The following STYXL2 variants were observed in gnomAD, a reference collection of about 807,000 sequenced individuals.
STYXL2 encodes the protein serine/threonine/tyrosine-interacting-like protein 2.
Under a neutral mutation model 52.4 loss-of-function variants are expected in STYXL2, and 44 were observed. The ratio of observed to expected loss-of-function variants is 0.84; its 90% CI spans 0.66 to 1.08. The LOEUF is 1.08. STYXL2 is among the 50% of genes least tolerant of loss of function. The pLI is 0.00. For synonymous variants in STYXL2, 604 were observed against 586.9 expected, an observed-to-expected ratio of 1.03 and a Z score of -0.42; for missense variants, 1,604 against 1,471.7, an observed-to-expected ratio of 1.09 and a Z score of -1.47.
intron 2 of STYXL2, among the ~76,000 whole-genome samples, chr1:167,103,926 C>G (rs968318848): frequency 6.6e-6 from 1 of 152,130 alleles, no homozygotes; most frequent in Non-Finnish European, 1.5e-5. Context: ...TCGAGACCAT[C>G]CTGGCTAACA....
rs1381425972 is a variant in STYXL2, at chr1:167,127,660, G to A, written c.2529G>A (p.Met843Ile). ...LKELGRKEKE[M>I]QMELREKMSE... is the part of the protein sequence containing the mutation. Reference sequence around the variant, plus strand: ...AACTTGGCCGGAAGGAGAAGGAGATGCAGATGGAGCTTAGGGAGAAGATGT... The same window carrying A: ...AACTTGGCCGGAAGGAGAAGGAGATACAGATGGAGCTTAGGGAGAAGATGT... Residue 843 changes from methionine (M) to isoleucine (I), a missense_variant, in exon 6 of 6, where the codon ATG becomes ATA. Coordinates refer to ENST00000361200, the MANE Select transcript of STYXL2 (RefSeq NM_001080426.3). 5.6e-6 allele frequency: 9 copies of A among 1,614,022 alleles called. No individual in the cohort carries two copies. Among genetic ancestry groups the A allele is most frequent in the Admixed American group, 3.3e-5 (2 of 59,992 alleles).
rs140490170 is a variant in STYXL2, at chr1:167,117,464, T to C, written c.342T>C (p.Cys114=). ...MDDTSLYNTP[C]VLDLQRALVQ... ...ACACCAGCCTCTATAATACGCCCTG[T>C]GTCCTGGACCTACAGCGGGCCCTGG... The change falls in exon 4 of 6, where the codon TGT becomes TGC. Residue 114 remains cysteine (C), a synonymous_variant. Coordinates refer to ENST00000361200, the MANE Select transcript of STYXL2 (RefSeq NM_001080426.3). 1.2e-6 allele frequency: 2 copies of C among 1,612,746 alleles called. No individual in the cohort carries two copies. The highest frequency in any genetic ancestry group is 1.7e-6 in the Non-Finnish European group (2 of 1,179,468).
intron 2 of STYXL2, among the ~76,000 whole-genome samples, chr1:167,102,711 G>A (rs1279691868): frequency 6.6e-6 from 1 of 152,190 alleles, no homozygotes; most frequent in African/African-American, 2.4e-5. Flanking sequence ...AAGAAGCAGA[G>A]TATCACTTAC....
chr1:167,111,469 CATATATATATATATATATATAT>C (rs776014246), intron 2 of STYXL2, among the ~76,000 whole-genome samples: 13 of 79,900 alleles, frequency 1.6e-4, no homozygotes, highest in South Asian at 4.7e-4. Context: ...AAATATGGTA[CATATATATATATATATATATAT>C]ATATATATAT....
In STYXL2 at chr1:167,126,498, A is replaced by G; in HGVS notation, c.1367A>G (p.Glu456Gly). The G allele has an allele frequency of 6.2e-7, 1 of 1,610,468 alleles. No individual in the cohort carries two copies. The highest frequency in any genetic ancestry group is 1.7e-4 in the Middle Eastern group (1 of 6,040). ...ATCTGGGTCCTGAAGCAGCAGCTGG[A>G]GCTGAACCGCCCGGACCACGGCAGG... ...HDIWVLKQQL[E>G]LNRPDHGRRR... is the part of the protein sequence containing the mutation. Residue 456 changes from glutamate (E) to glycine (G), a missense_variant, in exon 6 of 6, where the codon GAG becomes GGG. Glu to Gly is a moderately conservative substitution (Grantham distance 98). Coordinates refer to ENST00000361200, the MANE Select transcript of STYXL2 (RefSeq NM_001080426.3).
At position 167,126,898 on chromosome 1, in the gene STYXL2, C is replaced by T. The variant is rs1239010656; in HGVS notation, c.1767C>T (p.Tyr589=). Residue 589 remains tyrosine, a synonymous_variant, in exon 6 of 6, where the codon TAC becomes TAT. Coordinates refer to ENST00000361200, the MANE Select transcript of STYXL2 (RefSeq NM_001080426.3). The stretch of plus-strand genomic sequence containing the variant: ...CCTCCGACGTCAGCCTGACAGCCTA[C>T]CAGGCCTGGAAGCTGAAACACCAGA... ...KNPSDVSLTA[Y]QAWKLKHQKK... 1.9e-6 allele frequency: 3 copies of T among 1,612,022 alleles called. No individual in the cohort carries two copies. The highest frequency in any genetic ancestry group is 2.5e-6 in the Non-Finnish European group (3 of 1,178,956).
In STYXL2 at chr1:167,125,970, A is replaced by G; in HGVS notation, c.839A>G (p.Glu280Gly). Residue 280 changes from glutamate to glycine, a missense_variant, in exon 6 of 6, where the codon GAG becomes GGG. Physicochemically the swap from Glu to Gly is moderately conservative, Grantham distance 98 (BLOSUM62 -2). Transcript: ENST00000361200. The part of the protein sequence containing the change: ...QLRELNEKLM[E>G]EREEDYGREG... ...CGGGAGCTCAATGAGAAGTTGATGG[A>G]GGAGAGAGAAGAGGACTATGGCCGG... 1.2e-6 allele frequency: 2 copies of G among 1,613,562 alleles called. No homozygotes were observed. The highest frequency in any genetic ancestry group is 1.7e-5 in the Admixed American group (1 of 59,986).
chr1:167,127,162 A>C lies in STYXL2; in HGVS notation c.2031A>C (p.Ser677=). The C allele has an allele frequency of 6.2e-7, 1 of 1,614,154 alleles. No homozygotes were observed. Among genetic ancestry groups the C allele is most frequent in the Non-Finnish European group, 8.5e-7 (1 of 1,179,992 alleles). ...TCAGCGCTGATGGGGACACGACGTCAGTACTGAGCACCCAGAGCCACCGCT... is the reference window on the plus strand; with the variant it reads ...TCAGCGCTGATGGGGACACGACGTCCGTACTGAGCACCCAGAGCCACCGCT... ...PSVSADGDTT[S]VLSTQSHRSH... is the part of the protein sequence containing the mutation. The change falls in exon 6 of 6, where the codon TCA becomes TCC. Residue 677 remains serine (S), a synonymous_variant. Coordinates refer to ENST00000361200, the MANE Select transcript of STYXL2 (RefSeq NM_001080426.3).
At position 167,128,708 on chromosome 1, in the gene STYXL2, G is replaced by GATCTTCCAGATACAGAGAA. The variant is rs1668030482; in HGVS notation, c.*100_*101insATCTTCCAGATACAGAGAA. On this transcript the variant is annotated 3_prime_UTR_variant, in exon 6 of 6. Coordinates refer to ENST00000361200, the MANE Select transcript of STYXL2 (RefSeq NM_001080426.3). ...TCATCGCAGGATGAGGATACAGAGAGGATCTTCCAGAGGGGCAGAGCCAAA... is the reference window on the plus strand; with the variant it reads ...TCATCGCAGGATGAGGATACAGAGAGATCTTCCAGATACAGAGAAGATCTTCCAGAGGGGCAGAGCCAAA... The GATCTTCCAGATACAGAGAA allele has an allele frequency of 1.7e-5, 25 of 1,456,808 alleles. No homozygotes were observed. The Admixed American group carries it at 6.7e-4, about 39-fold the overall frequency. 90.2% of individuals were successfully genotyped at this position (1,456,808 alleles called of 1,614,324 possible).
rs781012884 is a variant in STYXL2 at position 167,126,532 on chromosome 1, C to G, written c.1401C>G (p.Arg467=). Residue 467 remains arginine (R), a synonymous_variant, in exon 6 of 6, where the codon CGC becomes CGG. Transcript: ENST00000361200. ...LNRPDHGRRR[R]ADSMSSESTW... ...GCCCGGACCACGGCAGGAGGCGCCG[C>G]GCAGACTCGATGTCCTCGGAGAGCA... 2.5e-6 allele frequency: 4 copies of G among 1,613,270 alleles called. No homozygotes were observed. Among genetic ancestry groups the G allele is most frequent in the Non-Finnish European group, 3.4e-6 (4 of 1,179,866 alleles).
intron 3 of STYXL2, 75 bp from the exon 4 acceptor site, chr1:167,117,253 G>A (rs1667743720): frequency 2.2e-6 from 3 of 1,336,668 alleles, no homozygotes; most frequent in Admixed American, 2.0e-5. Flanking sequence ...CTGGCCAAGA[G>A]CATGTTCTCC....
intron 2 of STYXL2, among the ~76,000 whole-genome samples, chr1:167,097,917 C>A (rs966044342): frequency 6.0e-5 from 9 of 150,552 alleles, no homozygotes; most frequent in Non-Finnish European, 1.2e-4. Flanking sequence ...AATTCTAGCA[C>A]TTTTGGAGGC....
intron 2 of STYXL2, among the ~76,000 whole-genome samples, chr1:167,110,608 C>G (rs565977669): frequency 4.0e-4 from 61 of 152,248 alleles, no homozygotes; most frequent in Admixed American, 2.2e-3. Flanking sequence ...CAAAATCAAA[C>G]AAGTAGAAGA....
At chr1:167,112,271 G>T (rs78193416) in intron 2 of STYXL2, among the ~76,000 whole-genome samples, 1 of 152,152 alleles carries the variant, frequency 6.6e-6, no homozygotes, top group African/African-American at 2.4e-5. Context: ...GTCTGGCCAT[G>T]TCCTGGGTAG....
intron 4 of STYXL2, 56 bp from the exon 5 acceptor site, chr1:167,119,193 G>A: frequency 1.9e-6 from 3 of 1,550,570 alleles, no homozygotes; most frequent in Middle Eastern, 1.8e-4. Flanking sequence ...CGTCACAGTG[G>A]TGACACACCT....
At chr1:167,119,075 G>A (rs1426703777) in intron 4 of STYXL2, among the ~76,000 whole-genome samples, 174 bp from the exon 5 acceptor site, 1 of 152,204 alleles carries the variant, frequency 6.6e-6, no homozygotes, top group Non-Finnish European at 1.5e-5. Context: ...CTGAGGCCAA[G>A]TCATCAACTC....
intron 2 of STYXL2, among the ~76,000 whole-genome samples, chr1:167,095,861 G>A (rs563065908): frequency 6.6e-6 from 1 of 152,176 alleles, no homozygotes; most frequent in African/African-American, 2.4e-5. Flanking sequence ...ACTTTTCTCT[G>A]ATGCTCTTGG....
chr1:167,117,180 A>G lies in STYXL2; in HGVS notation c.206-148A>G, dbSNP rs577284780. 2.6e-5 allele frequency: 18 copies of G among 702,848 alleles called. 1 individual carries two copies. Among genetic ancestry groups the G allele is most frequent in the East Asian group, 1.1e-4 (4 of 36,770 alleles). 43.5% of individuals were successfully genotyped at this position (702,848 alleles called of 1,614,324 possible). On this transcript the variant is annotated intron_variant, in intron 3 of 5. Coordinates refer to ENST00000361200, the MANE Select transcript of STYXL2 (RefSeq NM_001080426.3). ...CAGTGCAGCAGGTACCCTGGGCCCA[A>G]TTAAAGTCCTTCCTGGGAGATCCTG...
intron 2 of STYXL2, among the ~76,000 whole-genome samples, chr1:167,111,511 TATAC>T (rs1240307017): frequency 1.2e-3 from 53 of 42,722 alleles, no homozygotes; most frequent in African/African-American, 9.1e-3. Context: ...TATATATATA[TATAC>T]ACACACACAC....
Sources: gnomAD v4.1 joint callset for allele counts (sites outside exome capture counted in the v4.1 genomes callset) on GRCh38, gnomAD v4.1.1 for gene constraint, MANE v1.5 for transcripts, NCBI Gene and HGNC (gene_info 2026-07-23, HGNC 2026-07-21) for gene names.